Variants in ZNF620 observed in about 807,000 individuals in gnomAD.
ZNF620 encodes the protein zinc finger protein 620.
ZNF620 carries 10 observed loss-of-function variants against 13.3 expected under a neutral mutation model. That is an observed-to-expected ratio of 0.75 (90% confidence interval 0.46 to 1.28). The LOEUF (loss-of-function observed/expected upper bound fraction) is 1.28, where lower values mean the gene tolerates loss of function less well. Among genes scored for constraint, ZNF620 ranks in the 50% most tolerant of loss-of-function variants. The pLI, the probability that ZNF620 is intolerant of heterozygous loss-of-function variation, is 0.00. For synonymous variants in ZNF620, 166 were observed against 177.6 expected (o/e 0.93, Z 0.52); for missense variants, 461 against 500.2 (o/e 0.92, Z 0.75).
chr3:40,513,940 G>A (rs1486321552), intron 4 of ZNF620, among the ~76,000 whole-genome samples: 3 of 152,148 alleles, frequency 2.0e-5, no homozygotes, highest in Non-Finnish European at 4.4e-5. Context: ...TTGGTCTAGC[G>A]GTAATGCCAG....
Position 40,511,706 on chromosome 3 carries a change from G to A in ZNF620, c.151+110G>A. The A allele has an allele frequency of 2.1e-5, 30 of 1,408,316 alleles. 2 individuals are homozygous for A. Among genetic ancestry groups the A allele is most frequent in the Middle Eastern group, 4.1e-4 (2 of 4,910 alleles). The allele number at this position is 1,408,316 out of a possible 1,614,324, so 87.2% of individuals were successfully genotyped here. A position where few individuals can be genotyped will look rare whatever the true frequency, so the allele number is the denominator to read the frequency against. ...TTTTTTTCTTTTTTTTTTGAGACAA[G>A]AGTCTCCCTCTGTCGCCCAGGCTGG... On this transcript the variant is annotated intron_variant, in intron 3 of 4. Transcript: ENST00000314529.
chr3:40,512,614 T>A, intron 4 of ZNF620, 99 bp downstream of exon 4: 1 of 879,326 alleles, frequency 1.1e-6, no homozygotes. Context: ...GGGAGACTGT[T>A]TTTGTTCCTG....
In ZNF620 at chr3:40,515,906, T is replaced by C; in HGVS notation, c.312T>C (p.His104=). 2 of 1,613,846 alleles carry C rather than the reference T, an allele frequency of 1.2e-6. No individual in the cohort carries two copies. The highest frequency in any genetic ancestry group is 1.7e-6 in the Non-Finnish European group (2 of 1,179,952). ...TEKEGLTPKD[H]VSKETESFRL... The stretch of plus-strand genomic sequence containing the variant: ...AGGAAGGATTAACTCCAAAGGATCA[T>C]GTGTCCAAAGAAACAGAGTCCTTCA... Residue 104 remains histidine (H), a synonymous_variant, in exon 5 of 5, where the codon CAT becomes CAC. Coordinates refer to ENST00000314529, the MANE Select transcript of ZNF620 (RefSeq NM_175888.4).
In ZNF620 at chr3:40,518,357, C is replaced by G. The variant is rs1296306744; in HGVS notation, c.*1494C>G. 6.6e-6 allele frequency: 1 copy of G among 152,206 alleles called. No homozygotes were observed. The highest frequency in any genetic ancestry group is 1.5e-5 in the Non-Finnish European group (1 of 68,044). The allele number at this position is 152,206 out of a possible 1,614,324, so 9.4% of individuals were successfully genotyped here. A position where few individuals can be genotyped will look rare whatever the true frequency, so the allele number is the denominator to read the frequency against. On this transcript the variant is annotated 3_prime_UTR_variant, in exon 5 of 5. Transcript: ENST00000314529. Reference sequence around the variant, plus strand: ...CTGTAAAATGAGGATGACAGTTAATCTACCTCATAGGTTTGTGTTGGGGAT... The same window carrying G: ...CTGTAAAATGAGGATGACAGTTAATGTACCTCATAGGTTTGTGTTGGGGAT...
chr3:40,508,534 C>G (rs911395234), intron 2 of ZNF620: 1 of 252,476 alleles, frequency 4.0e-6, no homozygotes, highest in Non-Finnish European at 8.1e-6. Flanking sequence ...CTTTGTATGA[C>G]TTGAATCATT....
chr3:40,507,454 G>A (rs1166153382), intron 2 of ZNF620, among the ~76,000 whole-genome samples: 2 of 152,064 alleles, frequency 1.3e-5, no homozygotes, highest in Non-Finnish European at 2.9e-5. Flanking sequence ...TCTGCGGTGG[G>A]ATAAAACCGA....
At chr3:40,512,274 G>A (rs774357379) in intron 3 of ZNF620, 128 bp from the exon 4 acceptor site, 32 of 779,134 alleles carry the variant, frequency 4.1e-5, no homozygotes, top group Non-Finnish European at 6.7e-5. Flanking sequence ...CAGCAGCATA[G>A]ATTAAGTTTC....
Position 40,512,329 on chromosome 3 carries a change from G to T in ZNF620, c.152-73G>T, listed in dbSNP as rs1175975134. 6.2e-6 allele frequency: 8 copies of T among 1,294,904 alleles called. No homozygotes were observed. In the Admixed American group the frequency reaches 1.5e-4, roughly 24 times the overall value. The allele number at this position is 1,294,904 out of a possible 1,614,324, so 80.2% of individuals were successfully genotyped here. ...CTCACTACCTGGCTCAGCAGATAAA[G>T]ATAAAGGGGGCTGCAAGAGGATCCT... is the stretch of plus-strand genomic sequence containing the variant. On this transcript the variant is annotated intron_variant, in intron 3 of 4. Coordinates refer to ENST00000314529, the MANE Select transcript of ZNF620 (RefSeq NM_175888.4).
chr3:40,507,315 C>G (rs1698058493), intron 2 of ZNF620, among the ~76,000 whole-genome samples: 1 of 152,092 alleles, frequency 6.6e-6, no homozygotes, highest in Non-Finnish European at 1.5e-5. Flanking sequence ...TGGTCTCGAT[C>G]CCTTGACCTC....
rs1053978561 is a variant in ZNF620 at position 40,512,518 on chromosome 3, G to A, written c.265+3G>A. 1.3e-6 allele frequency: 2 copies of A among 1,594,376 alleles called. No individual in the cohort carries two copies. The highest frequency in any genetic ancestry group is 2.7e-5 in the African/African-American group (2 of 73,974). On this transcript the variant is annotated splice_donor_region_variant and intron_variant, in intron 4 of 4. Transcript: ENST00000314529. ...GGCTCTCAGAGGTATCTGTCCAGGTGAGCATGAGAACCCACTAGCTGCCTT... is the reference window on the plus strand; with the variant it reads ...GGCTCTCAGAGGTATCTGTCCAGGTAAGCATGAGAACCCACTAGCTGCCTT...
rs1698449502 is a variant in ZNF620, at chr3:40,518,729, A to G, written c.*1866A>G. On this transcript the variant is annotated 3_prime_UTR_variant, in exon 5 of 5. Transcript: ENST00000314529. ...GATTGAGACTCCGTCTCAAAAAAAA[A>G]AAAAAAAAAATTTTTACCTATTATT... The G allele has an allele frequency of 6.6e-6, 1 of 151,996 alleles. No homozygotes were observed. The highest frequency in any genetic ancestry group is 2.1e-4 in the South Asian group (1 of 4,822). The allele number at this position is 151,996 out of a possible 1,614,324, so 9.4% of individuals were successfully genotyped here.
intron 2 of ZNF620, among the ~76,000 whole-genome samples, chr3:40,510,981 C>A (rs1055312901): frequency 6.6e-6 from 1 of 152,166 alleles, no homozygotes; most frequent in Non-Finnish European, 1.5e-5. Context: ...TGGTCTCAAG[C>A]CATCCGCCTG....
intron 2 of ZNF620, chr3:40,508,600 C>A: frequency 2.9e-6 from 1 of 342,310 alleles, no homozygotes; most frequent in South Asian, 2.3e-5. Flanking sequence ...TACCTATCTA[C>A]ATTGTCTTAT....
At chr3:40,512,194 T>G (rs1698222591) in intron 3 of ZNF620, among the ~76,000 whole-genome samples, 1 of 151,878 alleles carries the variant, frequency 6.6e-6, no homozygotes, top group South Asian at 2.1e-4. Flanking sequence ...GAAGAAAACT[T>G]GAGATTCCCT....
In ZNF620 at chr3:40,516,249, A is replaced by C; in HGVS notation, c.655A>C (p.Thr219Pro). 1 of 1,614,138 alleles carries C rather than the reference A, an allele frequency of 6.2e-7. No homozygotes were observed. Among genetic ancestry groups the C allele is most frequent in the East Asian group, 2.2e-5 (1 of 44,892 alleles). ...CTTCCACCGACATGAGAAATGTCACACTGGTGAAAAGTCTTTTGAATGCAA... is the reference window on the plus strand; with the variant it reads ...CTTCCACCGACATGAGAAATGTCACCCTGGTGAAAAGTCTTTTGAATGCAA... ...ADFHRHEKCHTGEKSFECKEC... is the reference protein window; with the variant it reads ...ADFHRHEKCHPGEKSFECKEC... Residue 219 changes from threonine to proline, a missense_variant, in exon 5 of 5, where the codon ACT (threonine) becomes CCT (proline). Thr to Pro is a conservative substitution (Grantham distance 38, BLOSUM62 -1). Coordinates refer to ENST00000314529, the MANE Select transcript of ZNF620 (RefSeq NM_175888.4).
Position 40,517,232 on chromosome 3 carries a change from A to G in ZNF620, c.*369A>G, listed in dbSNP as rs563210019. On this transcript the variant is annotated 3_prime_UTR_variant, in exon 5 of 5. Transcript: ENST00000314529. ...GAGACCCTAAAAAGTTTCTAGAGAGAGAAAACAAAAGATCAGAAATGAAAG... is the reference window on the plus strand; with the variant it reads ...GAGACCCTAAAAAGTTTCTAGAGAGGGAAAACAAAAGATCAGAAATGAAAG... The G allele has an allele frequency of 1.1e-4, 18 of 160,198 alleles. No homozygotes were observed. The highest frequency in any genetic ancestry group is 4.1e-4 in the African/African-American group (17 of 41,756). 9.9% of individuals were successfully genotyped at this position (160,198 alleles called of 1,614,324 possible).
In ZNF620 at chr3:40,517,106, G is replaced by A. The variant is rs1698416283; in HGVS notation, c.*243G>A. ...AGTTTCCAGATTTAAAGGACATGCT[G>A]GGTGCCCAGCAGGATGGATTCAAGG... On this transcript the variant is annotated 3_prime_UTR_variant, in exon 5 of 5. Transcript: ENST00000314529. 2.7e-6 allele frequency: 1 copy of A among 370,418 alleles called. No homozygotes were observed. 22.9% of individuals were successfully genotyped at this position (370,418 alleles called of 1,614,324 possible). A position where few individuals can be genotyped will look rare whatever the true frequency, so the allele number is the denominator to read the frequency against.
In ZNF620 at chr3:40,510,987, G is replaced by A. The variant is rs568600826; in HGVS notation, c.25-483G>A. 2.6e-5 allele frequency among the ~76,000 whole-genome samples: 4 copies of A among 152,210 alleles called. No homozygotes were observed. In the East Asian group the frequency reaches 5.8e-4, roughly 22 times the overall value. ...TCGCCAGGCTGGTCTCAAGCCATCC[G>A]CCTGCCTTGGCCTCCCAAAGTGCTA... On this transcript the variant is annotated intron_variant, in intron 2 of 4. Transcript: ENST00000314529.
At position 40,507,846 on chromosome 3, in the gene ZNF620, GA is replaced by G. The variant is rs1270554205; in HGVS notation, c.24+1471del. Reference sequence around the variant, plus strand: ...CGGTTTTCTCTATGTTGCCCAGGCTGACCTCAAATTGGGCTCAAGCAATCCT... The same window carrying G: ...CGGTTTTCTCTATGTTGCCCAGGCTGCCTCAAATTGGGCTCAAGCAATCCT... On this transcript the variant is annotated intron_variant, in intron 2 of 4. Coordinates refer to ENST00000314529, the MANE Select transcript of ZNF620 (RefSeq NM_175888.4). 7.2e-5 allele frequency among the ~76,000 whole-genome samples: 11 copies of G among 152,158 alleles called. No homozygotes were observed. In the East Asian group the frequency reaches 1.2e-3, roughly 16 times the overall value.
Sources: allele counts gnomAD v4.1 joint callset (sites outside exome capture counted in the v4.1 genomes callset), GRCh38; gene constraint gnomAD v4.1.1; transcripts MANE v1.5; gene names NCBI Gene and HGNC (gene_info 2026-07-23, HGNC 2026-07-21).